The following PODN variants were observed in gnomAD, a reference collection of about 807,000 sequenced individuals.
PODN encodes podocan proteoglycan.
PODN carries 40 observed loss-of-function variants against 52.7 expected under a neutral mutation model. The observed-to-expected ratio is 0.76, with a 90% CI of 0.59 to 0.99. PODN has a LOEUF of 0.99. Among genes scored for constraint, PODN ranks in the 50% least tolerant of loss-of-function variants. The probability of loss-of-function intolerance (pLI) is 0.00; values close to 1 mark genes in which losing one functional copy is unlikely to be tolerated. For missense variants in PODN, 720 were observed against 815.1 expected (o/e 0.88, Z 1.42); for synonymous variants, 396 against 377.9 (o/e 1.05, Z -0.56).
In PODN at chr1:53,077,723, C is replaced by T. The variant is rs200900044; in HGVS notation, c.777C>T (p.Ser259=). ...KLEKIPPGAF[S]ELSSLRELYL... ...AGAAGATCCCCCCGGGGGCCTTCAG[C>T]GAGCTGAGCAGCCTGCGCGAGCTAT... Residue 259 remains serine, a synonymous_variant, in exon 7 of 11, where the codon AGC becomes AGT. Transcript: ENST00000312553. 2.3e-4 allele frequency: 371 copies of T among 1,613,550 alleles called. No homozygotes were observed. Among genetic ancestry groups the T allele is most frequent in the Non-Finnish European group, 2.3e-4 (266 of 1,179,914 alleles).
At chr1:53,079,782 C>T (rs1644255065) in intron 8 of PODN, among the ~76,000 whole-genome samples, 2 of 152,008 alleles carry the variant, frequency 1.3e-5, no homozygotes, top group Admixed American at 1.3e-4. Context: ...ATCACTTGAG[C>T]CCAGGAGTTT....
At chr1:53,068,242 C>T (rs906714628) in intron 1 of PODN, among the ~76,000 whole-genome samples, 5 of 152,190 alleles carry the variant, frequency 3.3e-5, no homozygotes, top group African/African-American at 1.2e-4. Flanking sequence ...CAGCTCAGGC[C>T]GCTAGCTCCA....
intron 1 of PODN, among the ~76,000 whole-genome samples, chr1:53,063,930 A>G (rs1345359779): frequency 2.0e-5 from 3 of 151,956 alleles, no homozygotes; most frequent in African/African-American, 7.3e-5. Flanking sequence ...TTCCTTAAAC[A>G]CACGTCCCTC....
chr1:53,078,528 C>T lies in PODN; in HGVS notation c.1018C>T (p.Leu340=). ...CATCCGCAGCCTGGAGTACCTGCTG[C>T]TGCACAGCAACCAGCTGCGGGAGCA... ...TPIRSLEYLL[L]HSNQLREQGI... is the part of the protein sequence containing the mutation. The change falls in exon 8 of 11, where the codon CTG becomes TTG. Residue 340 remains leucine, a synonymous_variant. Coordinates refer to ENST00000312553, the MANE Select transcript of PODN (RefSeq NM_153703.5). The T allele has an allele frequency of 1.2e-6, 2 of 1,613,274 alleles. No homozygotes were observed. Among genetic ancestry groups the T allele is most frequent in the Non-Finnish European group, 1.7e-6 (2 of 1,180,052 alleles).
intron 4 of PODN, 75 bp from the exon 5 acceptor site, chr1:53,075,787 G>A: frequency 7.8e-7 from 1 of 1,287,754 alleles, no homozygotes; most frequent in Non-Finnish European, 1.1e-6. Context: ...GGCCCCGGTG[G>A]GCAGCAGGCA....
intron 4 of PODN, 61 bp from the exon 5 acceptor site, chr1:53,075,801 G>A: frequency 7.1e-7 from 1 of 1,415,058 alleles, no homozygotes; most frequent in Non-Finnish European, 9.8e-7. Flanking sequence ...GCAGGCAGTG[G>A]GACCCACAGC....
intron 1 of PODN, among the ~76,000 whole-genome samples, chr1:53,065,657 G>A (rs1036578311): frequency 2.0e-5 from 3 of 152,156 alleles, no homozygotes; most frequent in Admixed American, 1.3e-4. Flanking sequence ...CCTTTCAGTG[G>A]TCCTCGTCTT....
At position 53,082,129 on chromosome 1, in the gene PODN, G is replaced by A; in HGVS notation, c.1810G>A (p.Glu604Lys). Residue 604 changes from glutamate to lysine, a missense_variant, in exon 10 of 11, where the codon GAG becomes AAG. Transcript: ENST00000312553. ...GGGGAAGGAAAAGGAGGAGGAGGAA[G>A]AGGAGGAGGAGGAGGAAGAGGAAAC... ...RLGKEKEEEE[E>K]EEEEEEETR The A allele has an allele frequency of 1.3e-6, 2 of 1,565,192 alleles. No individual in the cohort carries two copies. Among genetic ancestry groups the A allele is most frequent in the Non-Finnish European group, 8.7e-7 (1 of 1,151,388 alleles).
chr1:53,063,667 C>T (rs1238674235), intron 1 of PODN: 2 of 769,900 alleles, frequency 2.6e-6, no homozygotes, highest in South Asian at 5.8e-5. Flanking sequence ...ACCCAGTCTA[C>T]TCTAGCCTAG....
Position 53,078,359 on chromosome 1 carries a change from C to A in PODN, c.855-6C>A, listed in dbSNP as rs755277850. On this transcript the variant is annotated splice_region_variant and splice_polypyrimidine_tract_variant and intron_variant, in intron 7 of 10. Transcript: ENST00000312553. The stretch of plus-strand genomic sequence containing the variant: ...GCCAACCGTCCTAATTCCCTCCCTG[C>A]CCCAGGAAGCTCTCCAGCCTGGAGT... 6.2e-7 allele frequency: 1 copy of A among 1,605,344 alleles called. No individual in the cohort carries two copies. Among genetic ancestry groups the A allele is most frequent in the Non-Finnish European group, 8.5e-7 (1 of 1,173,476 alleles).
rs747883797 is a variant in PODN, at chr1:53,077,668, T to G, written c.739-17T>G. 1.9e-6 allele frequency: 3 copies of G among 1,605,300 alleles called. 1 individual carries two copies. In the South Asian group the frequency reaches 3.3e-5, roughly 18 times the overall value. On this transcript the variant is annotated splice_polypyrimidine_tract_variant and intron_variant, in intron 6 of 10. Transcript: ENST00000312553. ...GGCCCTCCCTCACAATCTCCTCCCTTCCCTTCCATCCCCCAGAACAACAAG... is the reference window on the plus strand; with the variant it reads ...GGCCCTCCCTCACAATCTCCTCCCTGCCCTTCCATCCCCCAGAACAACAAG...
chr1:53,068,385 G>T (rs189422842), intron 1 of PODN, among the ~76,000 whole-genome samples: 1 of 152,212 alleles, frequency 6.6e-6, no homozygotes, highest in Non-Finnish European at 1.5e-5. Context: ...GCCTGAGCCA[G>T]TGCTTGTGGC....
intron 4 of PODN, among the ~76,000 whole-genome samples, 167 bp downstream of exon 4, chr1:53,074,837 C>T (rs1342649442): frequency 1.3e-5 from 2 of 152,090 alleles, no homozygotes; most frequent in African/African-American, 2.4e-5. Flanking sequence ...GACCCCATGC[C>T]TATAACTCAG....
intron 2 of PODN, 36 bp from the exon 3 acceptor site, chr1:53,071,499 C>A: frequency 6.4e-7 from 1 of 1,554,828 alleles, no homozygotes; most frequent in Non-Finnish European, 8.8e-7. Context: ...CCCCACTAGG[C>A]TGATGCTGCT....
chr1:53,069,792 A>G lies in PODN; in HGVS notation c.-55-9A>G. 6.4e-7 allele frequency: 1 copy of G among 1,573,462 alleles called. No individual in the cohort carries two copies. Among genetic ancestry groups the G allele is most frequent in the Non-Finnish European group, 8.6e-7 (1 of 1,160,848 alleles). ...CGAGGGCCCCAGCTGTGTCCACTGT[A>G]CCTCACAGGTTCCGTCAGCCCTGGC... On this transcript the variant is annotated splice_polypyrimidine_tract_variant and intron_variant, in intron 1 of 10. Coordinates refer to ENST00000312553, the MANE Select transcript of PODN (RefSeq NM_153703.5).
intron 3 of PODN, 111 bp from the exon 4 acceptor site, chr1:53,074,495 C>T (rs1644164978): frequency 2.4e-6 from 3 of 1,252,500 alleles, no homozygotes; most frequent in African/African-American, 1.5e-5. Context: ...TCTGAGCTGC[C>T]TCTGCCTCCC....
Position 53,082,128 on chromosome 1 carries a change from A to AG in PODN, c.1810dup (p.Glu604GlyfsTer15), listed in dbSNP as rs1553160356. On this transcript the variant is annotated frameshift_variant, in exon 10 of 11. Coordinates refer to ENST00000312553, the MANE Select transcript of PODN (RefSeq NM_153703.5). LOFTEE classifies it high-confidence loss of function. ...TGGGGAAGGAAAAGGAGGAGGAGGA[A>AG]GAGGAGGAGGAGGAGGAAGAGGAAA... 259 of 1,610,418 alleles carry AG rather than the reference A, an allele frequency of 1.6e-4. No individual in the cohort carries two copies. In the East Asian group the frequency reaches 3.4e-3, roughly 21 times the overall value.
intron 9 of PODN, 84 bp downstream of exon 9, chr1:53,080,960 C>T: frequency 6.6e-7 from 1 of 1,522,388 alleles, no homozygotes; most frequent in Non-Finnish European, 8.9e-7. Flanking sequence ...GTGGGAACAG[C>T]TTGGCTCCAC....
At chr1:53,064,188 C>T (rs892877436) in intron 1 of PODN, among the ~76,000 whole-genome samples, 6 of 152,218 alleles carry the variant, frequency 3.9e-5, no homozygotes, top group Admixed American at 2.6e-4. Context: ...TTCACAAAGT[C>T]GTTCATTCAG....
Sources: gnomAD v4.1 joint callset for allele counts (sites outside exome capture counted in the v4.1 genomes callset) on GRCh38, gnomAD v4.1.1 for gene constraint, MANE v1.5 for transcripts, NCBI Gene and HGNC (gene_info 2026-07-23, HGNC 2026-07-21) for gene names.